Variants in SNCAIP observed in about 807,000 individuals in gnomAD.
SNCAIP encodes synphilin-1.
Under a neutral mutation model 86.7 loss-of-function variants are expected in SNCAIP, and 43 were observed. The ratio of observed to expected loss-of-function variants is 0.50; its 90% CI spans 0.39 to 0.64. The LOEUF is 0.64. Among genes scored for constraint, SNCAIP ranks in the 30% least tolerant of loss-of-function variants. The pLI, the probability that SNCAIP is intolerant of heterozygous loss-of-function variation, is 0.00. For missense variants in SNCAIP, 981 were observed against 1,103.1 expected (o/e 0.89, Z 1.57); for synonymous variants, 417 against 427.2 (o/e 0.98, Z 0.29).
At chr5:122,360,520 A>G (rs1395083209) in intron 1 of SNCAIP, among the ~76,000 whole-genome samples, 1 of 152,250 alleles carries the variant, frequency 6.6e-6, no homozygotes, top group East Asian at 1.9e-4. Flanking sequence ...CTTAGAGTTC[A>G]ATGTGAATCA....
intron 1 of SNCAIP, among the ~76,000 whole-genome samples, chr5:122,374,188 G>T (rs928262399): frequency 6.6e-6 from 1 of 152,166 alleles, no homozygotes; most frequent in African/African-American, 2.4e-5. Context: ...CTGGATTGGA[G>T]ATGATGATTC....
At chr5:122,339,351 A>G (rs1757111566) in intron 1 of SNCAIP, among the ~76,000 whole-genome samples, 2 of 152,190 alleles carry the variant, frequency 1.3e-5, no homozygotes, top group Non-Finnish European at 2.9e-5. Context: ...ATGCCAATCA[A>G]TTTTGAGTAG....
intron 1 of SNCAIP, among the ~76,000 whole-genome samples, chr5:122,340,026 C>T (rs1757246821): frequency 6.6e-6 from 1 of 152,140 alleles, no homozygotes; most frequent in Non-Finnish European, 1.5e-5. Context: ...AAGCCAATCT[C>T]CTATTACCTT....
At chr5:122,447,910 G>A (rs1482515656) in intron 8 of SNCAIP, among the ~76,000 whole-genome samples, 1 of 152,168 alleles carries the variant, frequency 6.6e-6, no homozygotes, top group Admixed American at 6.5e-5. Context: ...TTGCTTGCTG[G>A]TTCCCATGTT....
chr5:122,322,852 G>C (rs1753245511), intron 1 of SNCAIP, among the ~76,000 whole-genome samples: 1 of 152,118 alleles, frequency 6.6e-6, no homozygotes, highest in Admixed American at 6.5e-5. Context: ...ATAGAATTTT[G>C]CATCTGTTGG....
intron 1 of SNCAIP, among the ~76,000 whole-genome samples, chr5:122,341,309 C>T (rs1757532999): frequency 6.6e-6 from 1 of 152,126 alleles, no homozygotes; most frequent in Non-Finnish European, 1.5e-5. Context: ...CAGGGTAAAG[C>T]CCTGTGGTCA....
At chr5:122,425,320 A>G in intron 4 of SNCAIP, 32 bp from the exon 5 acceptor site, 1 of 1,565,564 alleles carries the variant, frequency 6.4e-7, no homozygotes, top group Non-Finnish European at 8.8e-7. Flanking sequence ...TGATTTATTG[A>G]CTTGGGTTTT....
intron 3 of SNCAIP, among the ~76,000 whole-genome samples, chr5:122,413,736 T>TA (rs1409362319): frequency 6.7e-6 from 1 of 149,974 alleles, no homozygotes; most frequent in Non-Finnish European, 1.5e-5. Context: ...CTTGCTAAGT[T>TA]AAAAAAAAGA....
chr5:122,444,484 A>G, intron 7 of SNCAIP, 79 bp from the exon 8 acceptor site: 2 of 1,328,302 alleles, frequency 1.5e-6, no homozygotes, highest in East Asian at 2.3e-5. Flanking sequence ...TCTTCATACT[A>G]TTCAACATTC....
chr5:122,363,252 TCCCAAAGTGCTGAGATTA>T (rs1272491949), intron 1 of SNCAIP, among the ~76,000 whole-genome samples: 1 of 152,162 alleles, frequency 6.6e-6, no homozygotes, highest in African/African-American at 2.4e-5. Context: ...TGCCTCGGTC[TCCCAAAGTGCTGAGATTA>T]CAGGCATGAG....
chr5:122,459,164 G>A (rs1293253470), intron 10 of SNCAIP, among the ~76,000 whole-genome samples: 1 of 152,122 alleles, frequency 6.6e-6, no homozygotes, highest in Non-Finnish European at 1.5e-5. Context: ...CTTAGTAGAT[G>A]AGACTTATAG....
intron 3 of SNCAIP, among the ~76,000 whole-genome samples, chr5:122,420,970 G>A (rs1417713104): frequency 6.6e-6 from 1 of 152,234 alleles, no homozygotes; most frequent in East Asian, 1.9e-4. Context: ...TCAGAAGGAT[G>A]CACTTTGTGC....
intron 7 of SNCAIP, among the ~76,000 whole-genome samples, chr5:122,442,340 G>T (rs1403558887): frequency 3.3e-5 from 5 of 152,018 alleles, no homozygotes; most frequent in Non-Finnish European, 5.9e-5. Flanking sequence ...AAAGGCAAGA[G>T]ATTTATGAAA....
intron 1 of SNCAIP, among the ~76,000 whole-genome samples, chr5:122,367,702 T>A (rs796725703): frequency 6.6e-5 from 10 of 152,184 alleles, no homozygotes; most frequent in African/African-American, 2.2e-4. Flanking sequence ...AGAACCCAGG[T>A]AGCACTTTCC....
chr5:122,360,586 G>C (rs887161895), intron 1 of SNCAIP, among the ~76,000 whole-genome samples: 1 of 152,100 alleles, frequency 6.6e-6, no homozygotes, highest in Non-Finnish European at 1.5e-5. Flanking sequence ...CTTAACCTAT[G>C]TCTCCATTTT....
intron 1 of SNCAIP, among the ~76,000 whole-genome samples, chr5:122,337,742 G>T (rs1756787393): frequency 6.6e-6 from 1 of 152,182 alleles, no homozygotes. Context: ...GCTTCGCCAT[G>T]TTGGCCAGGC....
intron 1 of SNCAIP, among the ~76,000 whole-genome samples, chr5:122,383,724 G>C (rs530277613): frequency 1.7e-4 from 26 of 152,132 alleles, no homozygotes; most frequent in Non-Finnish European, 2.6e-4. Context: ...GAATTTTAAT[G>C]TATAAATTAA....
chr5:122,430,823 A>C (rs1020601945), intron 5 of SNCAIP, among the ~76,000 whole-genome samples: 1 of 152,080 alleles, frequency 6.6e-6, no homozygotes, highest in Non-Finnish European at 1.5e-5. Flanking sequence ...CTTTTACTTG[A>C]TCCTAAAGGT....
chr5:122,330,377 T>C (rs1755058737), intron 1 of SNCAIP, among the ~76,000 whole-genome samples: 1 of 152,122 alleles, frequency 6.6e-6, no homozygotes, highest in Admixed American at 6.5e-5. Flanking sequence ...TGCCTCGGCC[T>C]CCCAAAGTGC....
Sources: gnomAD v4.1 joint callset for allele counts (sites outside exome capture counted in the v4.1 genomes callset) on GRCh38, gnomAD v4.1.1 for gene constraint, MANE v1.5 for transcripts, NCBI Gene and HGNC (gene_info 2026-07-23, HGNC 2026-07-21) for gene names.